The following GREB1L variants were observed in gnomAD, a reference collection of about 807,000 sequenced individuals.
GREB1L encodes the protein GREB1-like protein.
GREB1L carries 17 observed loss-of-function variants against 200.8 expected under a neutral mutation model. The ratio of observed to expected loss-of-function variants is 0.08; its 90% CI spans 0.06 to 0.13. The LOEUF is 0.13. Among genes scored for constraint, GREB1L ranks in the 10% least tolerant of loss-of-function variants. GREB1L has a pLI of 1.00. For missense variants in GREB1L, 1,657 were observed against 2,367.7 expected (o/e 0.70, Z 6.23); for synonymous variants, 789 against 893.0 (o/e 0.88, Z 2.08).
intron 7 of GREB1L, among the ~76,000 whole-genome samples, chr18:21,426,958 C>CAAAAAAAAAAAAAAAAA (rs568993346): frequency 1.5e-5 from 1 of 68,426 alleles, no homozygotes; most frequent in African/African-American, 3.8e-5. Context: ...GACTACGTCT[C>CAAAAAAAAAAAAAAAAA]AAAAAAAAAA....
chr18:21,451,741 G>A (rs2034536850), intron 13 of GREB1L, among the ~76,000 whole-genome samples: 7 of 151,744 alleles, frequency 4.6e-5, no homozygotes, highest in Admixed American at 4.6e-4. Flanking sequence ...CAATCCTCCT[G>A]TGCCTTGGCC....
chr18:21,330,763 A>T (rs1693617915), intron 1 of GREB1L, among the ~76,000 whole-genome samples: 1 of 152,182 alleles, frequency 6.6e-6, no homozygotes, highest in Admixed American at 6.5e-5. Context: ...GAGTGTCAGA[A>T]GCAAACTTGC....
chr18:21,251,597 A>G (rs963003741), intron 1 of GREB1L, among the ~76,000 whole-genome samples: 2 of 152,230 alleles, frequency 1.3e-5, no homozygotes, highest in Non-Finnish European at 1.5e-5. Flanking sequence ...CCATAAATAA[A>G]TGCCATAGAC....
chr18:21,479,918 T>G (rs1384909094), intron 17 of GREB1L, among the ~76,000 whole-genome samples: 2 of 152,088 alleles, frequency 1.3e-5, no homozygotes, highest in Non-Finnish European at 2.9e-5. Flanking sequence ...TTTAAAAATA[T>G]TCTGTAGAGA....
At chr18:21,454,626 TC>T (rs1302633549) in intron 15 of GREB1L, 63 bp downstream of exon 15, 3 of 1,252,240 alleles carry the variant, frequency 2.4e-6, no homozygotes, top group Non-Finnish European at 3.4e-6. Context: ...TCTGCCTCTT[TC>T]TTTTGCTTAA....
chr18:21,294,629 A>T (rs971019289), intron 1 of GREB1L, among the ~76,000 whole-genome samples: 1 of 150,652 alleles, frequency 6.6e-6, no homozygotes, highest in Non-Finnish European at 1.5e-5. Flanking sequence ...ATAATATAAT[A>T]GTTATATATA....
chr18:21,249,372 C>T (rs758912698), intron 1 of GREB1L, among the ~76,000 whole-genome samples: 2 of 152,166 alleles, frequency 1.3e-5, no homozygotes, highest in Non-Finnish European at 2.9e-5. Context: ...AGGCCCCATC[C>T]CGAGCTTACT....
intron 1 of GREB1L, among the ~76,000 whole-genome samples, chr18:21,244,637 C>T (rs576136516): frequency 5.9e-5 from 9 of 152,150 alleles, no homozygotes; most frequent in African/African-American, 2.2e-4. Context: ...AGTGGGGCGA[C>T]AAAAAACATT....
chr18:21,423,429 G>C (rs1474593942), intron 7 of GREB1L, among the ~76,000 whole-genome samples: 1 of 152,098 alleles, frequency 6.6e-6, no homozygotes. Context: ...GTTTATTTGA[G>C]AAATAATCCT....
At chr18:21,476,840 A>G (rs1268271852) in intron 16 of GREB1L, among the ~76,000 whole-genome samples, 1 of 152,002 alleles carries the variant, frequency 6.6e-6, no homozygotes, top group Non-Finnish European at 1.5e-5. Flanking sequence ...TGGCCTCCCA[A>G]AGTGCTGGGA....
intron 1 of GREB1L, among the ~76,000 whole-genome samples, chr18:21,288,539 T>G (rs916127335): frequency 2.0e-5 from 3 of 152,230 alleles, no homozygotes; most frequent in African/African-American, 7.2e-5. Flanking sequence ...TTTATATTAA[T>G]TGGATATTCT....
At chr18:21,272,315 C>T (rs1201193645) in intron 1 of GREB1L, among the ~76,000 whole-genome samples, 1 of 152,186 alleles carries the variant, frequency 6.6e-6, no homozygotes. Context: ...ACTGTCTTGT[C>T]CTTCACATCA....
intron 7 of GREB1L, among the ~76,000 whole-genome samples, chr18:21,436,179 A>C (rs1322974519): frequency 6.6e-6 from 1 of 152,174 alleles, no homozygotes; most frequent in Non-Finnish European, 1.5e-5. Flanking sequence ...TGAGTTTGAG[A>C]TTCCTATAAG....
intron 1 of GREB1L, among the ~76,000 whole-genome samples, chr18:21,303,115 C>G (rs1170757701): frequency 6.6e-6 from 1 of 152,122 alleles, no homozygotes; most frequent in African/African-American, 2.4e-5. Flanking sequence ...CCTCTGTCTC[C>G]CAAAGTGCTG....
At chr18:21,472,477 A>C (rs1201807758) in intron 15 of GREB1L, among the ~76,000 whole-genome samples, 1 of 152,216 alleles carries the variant, frequency 6.6e-6, no homozygotes, top group Non-Finnish European at 1.5e-5. Context: ...TCCAACATTC[A>C]CTGAGGTCTG....
chr18:21,454,221 A>G, intron 14 of GREB1L, 145 bp from the exon 15 acceptor site: 1 of 633,036 alleles, frequency 1.6e-6, no homozygotes, highest in Non-Finnish European at 2.8e-6. Context: ...ATTAAAACTC[A>G]ATAGAGAGTG....
intron 4 of GREB1L, among the ~76,000 whole-genome samples, chr18:21,393,538 C>T (rs779903967): frequency 2.0e-5 from 3 of 152,172 alleles, no homozygotes; most frequent in African/African-American, 4.8e-5. Flanking sequence ...TGCAGTGGCG[C>T]GATCTGGGCT....
chr18:21,520,977 A>ACGAGG (rs1369010487), intron 32 of GREB1L, among the ~76,000 whole-genome samples, 154 bp downstream of exon 32: 69 of 152,050 alleles, frequency 4.5e-4, no homozygotes, highest in African/African-American at 1.6e-3. Context: ...CGGGTGGATC[A>ACGAGG]CGAGGTCAGG....
At chr18:21,458,883 G>A (rs2034902764) in intron 15 of GREB1L, among the ~76,000 whole-genome samples, 1 of 152,076 alleles carries the variant, frequency 6.6e-6, no homozygotes, top group Non-Finnish European at 1.5e-5. Flanking sequence ...CTAATTCGGA[G>A]GACCCCGCAT....
Sources: allele counts gnomAD v4.1 joint callset (sites outside exome capture counted in the v4.1 genomes callset), GRCh38; gene constraint gnomAD v4.1.1; transcripts MANE v1.5; gene names NCBI Gene and HGNC (gene_info 2026-07-23, HGNC 2026-07-21).